Variants in MIAT observed in about 807,000 individuals in gnomAD.
The protein encoded by MIAT is MI related novel mRNA.
exon 6 of MIAT, chr22:26,668,572 G>T: frequency 5.0e-6 from 2 of 398,952 alleles, no homozygotes; most frequent in South Asian, 2.6e-4. Context: ...AGTCCCCACT[G>T]ACCACACTTT....
At chr22:26,669,076 GCTC>G (rs1930955408) in exon 6 of MIAT, 4 of 398,644 alleles carry the variant, frequency 1.0e-5, no homozygotes, top group Non-Finnish European at 1.3e-5. Flanking sequence ...TAGTTGCACT[GCTC>G]CTGGATTCTG....
At chr22:26,672,635 A>T, downstream of MIAT, 1 of 399,202 alleles carries the variant, frequency 2.5e-6, no homozygotes. Context: ...TGACGGGGAT[A>T]GAAGCTGTCC....
downstream of MIAT, chr22:26,671,572 AG>A (rs776746857): frequency 1.0e-5 from 4 of 398,618 alleles, no homozygotes; most frequent in Non-Finnish European, 1.8e-5. Flanking sequence ...GGGCCTTTCA[AG>A]GGGCTGGGAT....
chr22:26,672,800 C>G, downstream of MIAT: 1 of 398,674 alleles, frequency 2.5e-6, no homozygotes, highest in Admixed American at 4.4e-5. Context: ...CTTTCCTACG[C>G]TAAAAACCAC....
At position 26,663,655 on chromosome 22, in the gene MIAT, G is replaced by A. The variant is rs866250881; in HGVS notation, n.729+257G>A. 16 of 368,270 alleles carry A rather than the reference G, an allele frequency of 4.3e-5. 1 individual carries two copies. In the South Asian group the frequency reaches 5.9e-4, roughly 14 times the overall value. The allele number at this position is 368,270 out of a possible 1,614,324, so 22.8% of individuals were successfully genotyped here. A position where few individuals can be genotyped will look rare whatever the true frequency, so the allele number is the denominator to read the frequency against. ...GGTGCTCACAACTGGTTCTTTGTGC[G>A]GCCTTTGATCTGGCACTTTTTAGTT... On this transcript the variant is annotated intron_variant and non_coding_transcript_variant, in intron 3 of 5. Coordinates refer to ENST00000643270, the Ensembl canonical transcript of MIAT.
In MIAT at chr22:26,668,475, TGGGTCTGG is replaced by T. The variant is rs560181467; in HGVS notation, n.2584_2591del. 46 of 398,928 alleles carry T rather than the reference TGGGTCTGG, an allele frequency of 1.2e-4. No homozygotes were observed. The South Asian group carries it at 5.5e-3, about 47-fold the overall frequency. The allele number at this position is 398,928 out of a possible 1,614,324, so 24.7% of individuals were successfully genotyped here. A position where few individuals can be genotyped will look rare whatever the true frequency, so the allele number is the denominator to read the frequency against. On this transcript the variant is annotated non_coding_transcript_exon_variant, in exon 6 of 6. Coordinates refer to ENST00000643270, the Ensembl canonical transcript of MIAT. ...GCCCTGCCTGCTGGGCCCTATTGTCTGGGTCTGGGGGCCCTTTCCTGCCCCATGTGAAC... is the reference window on the plus strand; with the variant it reads ...GCCCTGCCTGCTGGGCCCTATTGTCTGGGCCCTTTCCTGCCCCATGTGAAC...
At chr22:26,649,578 A>C (rs1282546283) in intron 2 of MIAT, among the ~76,000 whole-genome samples, 1 of 152,192 alleles carries the variant, frequency 6.6e-6, no homozygotes, top group African/African-American at 2.4e-5. Flanking sequence ...GGAGGTGGCA[A>C]GAAGTTGATG....
At chr22:26,675,039 T>TAG in exon 5 of MIAT, 1 of 398,754 alleles carries the variant, frequency 2.5e-6, no homozygotes, top group Non-Finnish European at 4.4e-6. Context: ...GTGCCAGGCG[T>TAG]GTGCCAGGCA....
intron 2 of MIAT, among the ~76,000 whole-genome samples, chr22:26,658,009 C>T (rs1930523981): frequency 6.7e-6 from 1 of 148,796 alleles, no homozygotes; most frequent in East Asian, 2.0e-4. Flanking sequence ...GACCCGCGGA[C>T]CTTCTCGGTC....
At chr22:26,656,850 G>C (rs1930473204) in intron 2 of MIAT, among the ~76,000 whole-genome samples, 1 of 152,062 alleles carries the variant, frequency 6.6e-6, no homozygotes, top group Non-Finnish European at 1.5e-5. Flanking sequence ...GGGGGGGTGC[G>C]GTGAGCTATG....
chr22:26,652,608 G>A (rs969602422), intron 2 of MIAT, among the ~76,000 whole-genome samples: 1 of 151,964 alleles, frequency 6.6e-6, no homozygotes, highest in Non-Finnish European at 1.5e-5. Context: ...TGCCCCCCTC[G>A]GCCTCCCAAA....
chr22:26,664,605 A>T (rs922601684), intron 3 of MIAT, among the ~76,000 whole-genome samples: 1 of 152,170 alleles, frequency 6.6e-6, no homozygotes, highest in East Asian at 1.9e-4. Flanking sequence ...ATCATACAAT[A>T]TGTGTTCTGT....
chr22:26,671,864 C>A, downstream of MIAT: 1 of 398,496 alleles, frequency 2.5e-6, no homozygotes, highest in Non-Finnish European at 4.4e-6. Flanking sequence ...GGAGGAAGGC[C>A]CCTCAAACCT....
At chr22:26,650,991 G>A (rs944449116) in intron 2 of MIAT, among the ~76,000 whole-genome samples, 1 of 152,086 alleles carries the variant, frequency 6.6e-6, no homozygotes, top group Non-Finnish European at 1.5e-5. Context: ...ACAGAGTGTG[G>A]GTAAAGCACT....
downstream of MIAT, chr22:26,670,588 A>G (rs1469684275): frequency 2.7e-6 from 1 of 377,122 alleles, no homozygotes; most frequent in Non-Finnish European, 4.5e-6. Context: ...CTTCTAGGAA[A>G]TGTCATTGCT....
chr22:26,654,173 C>G (rs1438484717), intron 2 of MIAT, among the ~76,000 whole-genome samples: 1 of 152,178 alleles, frequency 6.6e-6, no homozygotes, highest in Non-Finnish European at 1.5e-5. Flanking sequence ...ACCTGATTTT[C>G]CTCCCATCAG....
At chr22:26,661,944 A>G in intron 2 of MIAT, among the ~76,000 whole-genome samples, 1 of 56,580 alleles carries the variant, frequency 1.8e-5, no homozygotes, top group Admixed American at 1.5e-4. Flanking sequence ...ATATATATAT[A>G]TATATATATA....
intron 2 of MIAT, among the ~76,000 whole-genome samples, chr22:26,654,370 A>G (rs192417951): frequency 2.2e-4 from 33 of 152,254 alleles, no homozygotes; most frequent in Middle Eastern, 3.4e-3. Flanking sequence ...TTTTTTTCCA[A>G]GTAGATATTG....
At chr22:26,661,961 T>TATACAC (rs1336346956) in intron 2 of MIAT, among the ~76,000 whole-genome samples, 20 of 43,974 alleles carry the variant, frequency 4.5e-4, no homozygotes, top group Non-Finnish European at 7.7e-4. Context: ...TATATATATA[T>TATACAC]ACACACACAC....
Sources: allele counts gnomAD v4.1 joint callset (sites outside exome capture counted in the v4.1 genomes callset), GRCh38; gene constraint gnomAD v4.1.1; transcripts MANE v1.5; gene names NCBI Gene and HGNC (gene_info 2026-07-23, HGNC 2026-07-21).